Variants in SORCS3 observed in about 807,000 individuals in gnomAD.
SORCS3 encodes VPS10 domain-containing receptor SorCS3.
Under a neutral mutation model 146.3 loss-of-function variants are expected in SORCS3, and 57 were observed. That is an observed-to-expected ratio of 0.39 (90% confidence interval 0.31 to 0.49). The LOEUF (loss-of-function observed/expected upper bound fraction) is 0.49. Among genes scored for constraint, SORCS3 ranks in the 20% least tolerant of loss-of-function variants. The probability of loss-of-function intolerance (pLI) is 0.92; values close to 1 mark genes in which losing one functional copy is unlikely to be tolerated. For synonymous variants in SORCS3, 653 were observed against 618.5 expected (o/e 1.06, Z -0.83); for missense variants, 1,341 against 1,575.5 (o/e 0.85, Z 2.52).
chr10:104,788,123 A>T (rs2017458619), intron 1 of SORCS3, among the ~76,000 whole-genome samples: 2 of 152,180 alleles, frequency 1.3e-5, no homozygotes, highest in Non-Finnish European at 2.9e-5. Flanking sequence ...CTCTGCAGAG[A>T]TGCATGTTCT....
chr10:105,024,059 T>G (rs1451599725), intron 4 of SORCS3, among the ~76,000 whole-genome samples: 1 of 152,210 alleles, frequency 6.6e-6, no homozygotes, highest in Non-Finnish European at 1.5e-5. Context: ...TATGTTTATC[T>G]TTGTAATTTG....
rs1340655329 is a variant in SORCS3 at position 104,641,351 on chromosome 10, C to T, written c.24C>T (p.Arg8=). The T allele has an allele frequency of 1.5e-6, 2 of 1,376,910 alleles. No homozygotes were observed. 85.3% of individuals were successfully genotyped at this position (1,376,910 alleles called of 1,614,324 possible). The part of the protein sequence containing the change: MEAARTE[R]PAGRPGAPLV... ...GGATGGAGGCGGCGCGCACGGAGCG[C>T]CCCGCAGGCAGGCCGGGGGCGCCGC... The change falls in exon 1 of 27, where the codon CGC becomes CGT. Residue 8 remains arginine, a synonymous_variant. Transcript: ENST00000369701. The surrounding 1 kb of genome is among the most constrained non-coding windows in gnomAD (Gnocchi z 6.4).
intron 1 of SORCS3, among the ~76,000 whole-genome samples, chr10:104,766,189 T>G (rs2017177627): frequency 6.6e-6 from 1 of 152,130 alleles, no homozygotes; most frequent in African/African-American, 2.4e-5. Context: ...ACCCAGTGAA[T>G]CTGTTAAATC....
rs748351934 is a variant in SORCS3, at chr10:104,954,011, G to T, written c.796-23324G>T. On this transcript the variant is annotated intron_variant, in intron 3 of 26. Coordinates refer to ENST00000369701, the MANE Select transcript of SORCS3 (RefSeq NM_014978.3). ...TGTATTGGGCAAGGCCAGGAAAATT[G>T]GGGGACTCTTGGTCACATGGGAAGT... 5.9e-5 allele frequency among the ~76,000 whole-genome samples: 9 copies of T among 152,166 alleles called. 1 individual carries two copies. The highest frequency in any genetic ancestry group is 4.1e-4 in the South Asian group (2 of 4,828).
At chr10:104,693,763 C>T (rs1466213182) in intron 1 of SORCS3, among the ~76,000 whole-genome samples, 1 of 152,124 alleles carries the variant, frequency 6.6e-6, no homozygotes, top group East Asian at 1.9e-4. Context: ...GATTTGCTGT[C>T]AGTCCCTAGG....
At chr10:105,238,749 A>T (rs2056807252) in intron 20 of SORCS3, among the ~76,000 whole-genome samples, 1 of 152,216 alleles carries the variant, frequency 6.6e-6, no homozygotes, top group Admixed American at 6.5e-5. Flanking sequence ...AAGAGTTTTT[A>T]GATGTATTTA....
intron 1 of SORCS3, among the ~76,000 whole-genome samples, chr10:104,733,659 T>C (rs557818051): frequency 7.8e-4 from 118 of 152,124 alleles, no homozygotes; most frequent in Middle Eastern, 3.4e-3. Flanking sequence ...GTGATCCCTA[T>C]AGTTTATGTG....
intron 4 of SORCS3, among the ~76,000 whole-genome samples, chr10:105,037,311 G>T (rs1333168130): frequency 1.3e-5 from 2 of 152,182 alleles, no homozygotes; most frequent in East Asian, 3.9e-4. Flanking sequence ...CCTAGTCCTG[G>T]CAGGGGGTGT....
chr10:104,850,474 A>G (rs2018263275), intron 2 of SORCS3, among the ~76,000 whole-genome samples: 1 of 152,200 alleles, frequency 6.6e-6, no homozygotes, highest in African/African-American at 2.4e-5. Flanking sequence ...AGGCCCAGCT[A>G]CTGGGGGACT....
chr10:104,681,803 C>G (rs912425239), intron 1 of SORCS3, among the ~76,000 whole-genome samples: 3 of 152,176 alleles, frequency 2.0e-5, no homozygotes, highest in Admixed American at 6.5e-5. Flanking sequence ...AATGCTCTGT[C>G]CCCTGATAGC....
Position 105,048,296 on chromosome 10 carries a change from A to AAT in SORCS3, c.1028+5168_1028+5169insAT, listed in dbSNP as rs1564742264. On this transcript the variant is annotated intron_variant, in intron 5 of 26. Transcript: ENST00000369701. The stretch of plus-strand genomic sequence containing the variant: ...CTTGGAACCAACCCAAATGTCCAAC[A>AAT]GGGATAGACTGGATTAAGAAAATGT... Among the ~76,000 whole-genome samples the AAT allele has an allele frequency of 3.9e-3, 576 of 146,714 alleles. 7 individuals carry two copies. The highest frequency in any genetic ancestry group is 0.013 in the African/African-American group (535 of 39,966).
intron 1 of SORCS3, among the ~76,000 whole-genome samples, chr10:104,777,363 G>C (rs1040776990): frequency 5.9e-5 from 9 of 152,200 alleles, no homozygotes; most frequent in Admixed American, 1.3e-4. Flanking sequence ...AGGCAAGGGG[G>C]ATGAGACCCC....
intron 6 of SORCS3, among the ~76,000 whole-genome samples, chr10:105,097,627 T>C (rs1206892619): frequency 6.6e-6 from 1 of 152,238 alleles, no homozygotes; most frequent in Non-Finnish European, 1.5e-5. Context: ...TATTTGAAAA[T>C]ACTAACAAAC....
intron 9 of SORCS3, among the ~76,000 whole-genome samples, chr10:105,148,613 C>T (rs773528431): frequency 6.6e-6 from 1 of 151,996 alleles, no homozygotes; most frequent in Non-Finnish European, 1.5e-5. Flanking sequence ...CCAGTGGCCA[C>T]ACCCATACAG....
intron 1 of SORCS3, among the ~76,000 whole-genome samples, chr10:104,697,040 C>G (rs985293441): frequency 2.6e-5 from 4 of 151,664 alleles, no homozygotes; most frequent in Non-Finnish European, 5.9e-5. Flanking sequence ...TTCTGGGGAT[C>G]TAATGTCCAG....
At chr10:104,743,388 T>C (rs1273497542) in intron 1 of SORCS3, among the ~76,000 whole-genome samples, 1 of 152,204 alleles carries the variant, frequency 6.6e-6, no homozygotes, top group Non-Finnish European at 1.5e-5. Flanking sequence ...AAACATTTAT[T>C]AAGCATTCAC....
intron 19 of SORCS3, among the ~76,000 whole-genome samples, chr10:105,219,344 G>C (rs1227885509): frequency 1.3e-5 from 2 of 152,202 alleles, no homozygotes; most frequent in Non-Finnish European, 2.9e-5. Flanking sequence ...TGTATAAAAA[G>C]GCTGCCTAAA....
At chr10:104,788,266 A>G (rs746994519) in intron 1 of SORCS3, among the ~76,000 whole-genome samples, 1 of 152,194 alleles carries the variant, frequency 6.6e-6, no homozygotes, top group Non-Finnish European at 1.5e-5. Flanking sequence ...TGAGGAGTAG[A>G]AAGATAACTG....
intron 14 of SORCS3, among the ~76,000 whole-genome samples, chr10:105,199,560 T>A (rs2056562767): frequency 6.6e-6 from 1 of 152,078 alleles, no homozygotes; most frequent in Non-Finnish European, 1.5e-5. Context: ...TACAATCCAC[T>A]TTACAGATGA....
Sources: gnomAD v4.1 joint callset for allele counts (sites outside exome capture counted in the v4.1 genomes callset) on GRCh38, gnomAD v4.1.1 for gene constraint, Gnocchi (gnomAD v3.1) non-coding constraint, MANE v1.5 for transcripts, NCBI Gene and HGNC (gene_info 2026-07-23, HGNC 2026-07-21) for gene names.